The following PLPP4 variants were observed in gnomAD, a reference collection of about 807,000 sequenced individuals.
PLPP4 encodes diacylglycerol pyrophosphate like 2.
PLPP4 carries 20 observed loss-of-function variants against 32.2 expected under a neutral mutation model. That is an observed-to-expected ratio of 0.62 (90% CI 0.44 to 0.90). The LOEUF is 0.90. Ranked by LOEUF, PLPP4 falls within the 40% of genes least tolerant of loss-of-function variation. The probability of loss-of-function intolerance (pLI) is 0.00; values close to 1 mark genes in which losing one functional copy is unlikely to be tolerated. For synonymous variants in PLPP4, 127 were observed against 133.0 expected, an observed-to-expected ratio of 0.95 and a Z score of 0.31; for missense variants, 257 against 353.1, an observed-to-expected ratio of 0.73 and a Z score of 2.18.
rs754115427 is a variant in PLPP4, at chr10:120,589,400, C to T, written c.714C>T (p.Tyr238=). 26 of 1,614,116 alleles carry T rather than the reference C, an allele frequency of 1.6e-5. 1 individual carries two copies. The highest frequency in any genetic ancestry group is 8.8e-5 in the South Asian group (8 of 91,074). ...CCAACACAGCTTGCCATAAACCCTA[C>T]GTTAGTCTGCGAGTCCCAGCCTCAC... The part of the protein sequence containing the change: ...PLANTACHKP[Y]VSLRVPASLK... Residue 238 remains tyrosine, a synonymous_variant, in exon 7 of 7, where the codon TAC becomes TAT. Coordinates refer to ENST00000398250, the MANE Select transcript of PLPP4 (RefSeq NM_001030059.3).
chr10:120,581,609 C>T (rs1471095227), intron 6 of PLPP4, among the ~76,000 whole-genome samples: 1 of 152,180 alleles, frequency 6.6e-6, no homozygotes, highest in Non-Finnish European at 1.5e-5. Context: ...GCTTGAGCTT[C>T]TTGCTACTCC....
intron 6 of PLPP4, among the ~76,000 whole-genome samples, chr10:120,588,392 G>A (rs1249910740): frequency 6.6e-6 from 1 of 152,216 alleles, no homozygotes; most frequent in Admixed American, 6.5e-5. Flanking sequence ...CCTCCCAGCT[G>A]GTAAGATCTG....
chr10:120,514,645 G>A (rs573335339), intron 3 of PLPP4, among the ~76,000 whole-genome samples: 6 of 152,072 alleles, frequency 3.9e-5, no homozygotes, highest in South Asian at 2.1e-4. Flanking sequence ...GATTAAATGC[G>A]TTTTTCTGGT....
chr10:120,511,116 A>G (rs1845709299), intron 2 of PLPP4, among the ~76,000 whole-genome samples: 1 of 152,150 alleles, frequency 6.6e-6, no homozygotes, highest in Non-Finnish European at 1.5e-5. Flanking sequence ...TACCTAGGAA[A>G]TTTGCAGCAT....
At chr10:120,558,238 T>C (rs1848249585) in intron 5 of PLPP4, among the ~76,000 whole-genome samples, 2 of 152,028 alleles carry the variant, frequency 1.3e-5, no homozygotes, top group Non-Finnish European at 2.9e-5. Context: ...CATACACATG[T>C]ATACATTCCT....
At chr10:120,566,920 A>G (rs1050338747) in intron 5 of PLPP4, among the ~76,000 whole-genome samples, 1 of 152,022 alleles carries the variant, frequency 6.6e-6, no homozygotes. Flanking sequence ...CTTCTGTGAC[A>G]TTTTCCACCA....
chr10:120,550,723 C>G (rs1347452138), intron 5 of PLPP4, among the ~76,000 whole-genome samples: 1 of 151,572 alleles, frequency 6.6e-6, no homozygotes, highest in Non-Finnish European at 1.5e-5. Context: ...TAAGCTTGAC[C>G]CCTACCTCAT....
chr10:120,529,157 G>A (rs1785149519), intron 5 of PLPP4, among the ~76,000 whole-genome samples: 1 of 151,024 alleles, frequency 6.6e-6, no homozygotes, highest in Admixed American at 6.6e-5. Flanking sequence ...AGCAATGTCT[G>A]GAGACATTTT....
intron 1 of PLPP4, among the ~76,000 whole-genome samples, chr10:120,459,611 G>A (rs986826739): frequency 6.6e-6 from 1 of 152,200 alleles, no homozygotes; most frequent in African/African-American, 2.4e-5. Context: ...CAGCACAGGG[G>A]TTTAGAAAGT....
chr10:120,489,503 C>A (rs1295984550), intron 1 of PLPP4, among the ~76,000 whole-genome samples: 1 of 152,156 alleles, frequency 6.6e-6, no homozygotes, highest in Non-Finnish European at 1.5e-5. Context: ...TGTCACACTG[C>A]ACAACTGCGG....
intron 1 of PLPP4, among the ~76,000 whole-genome samples, chr10:120,494,319 C>T (rs546282842): frequency 1.3e-5 from 2 of 152,258 alleles, no homozygotes; most frequent in South Asian, 4.1e-4. Flanking sequence ...CTATTATCAG[C>T]GTCACTTCAG....
At position 120,503,744 on chromosome 10, in the gene PLPP4, A is replaced by C. The variant is rs1288020560; in HGVS notation, c.57-74A>C. Reference sequence around the variant, plus strand: ...GATTCCCACCCTGAGGGTGCATAGAAGGGGGGCCTCCTTGGGAACTTCCCA... The same window carrying C: ...GATTCCCACCCTGAGGGTGCATAGACGGGGGGCCTCCTTGGGAACTTCCCA... On this transcript the variant is annotated intron_variant, in intron 1 of 6. Transcript: ENST00000398250. The C allele has an allele frequency of 2.5e-6, 4 of 1,589,072 alleles. No individual in the cohort carries two copies. In the Admixed American group the frequency reaches 5.1e-5, roughly 20 times the overall value.
chr10:120,590,801 T>C lies in PLPP4; in HGVS notation c.*1299T>C, dbSNP rs1349329927. On this transcript the variant is annotated 3_prime_UTR_variant, in exon 7 of 7. Transcript: ENST00000398250. The stretch of plus-strand genomic sequence containing the variant: ...TTTTTTTTTTGAGATGGAGTCTCGC[T>C]GTGTCGAGACTGCACTGGAGTGCAG... 2.1e-5 allele frequency among the ~76,000 whole-genome samples: 3 copies of C among 146,304 alleles called. No individual in the cohort carries two copies. Among genetic ancestry groups the C allele is most frequent in the Non-Finnish European group, 4.5e-5 (3 of 67,280 alleles).
At position 120,532,385 on chromosome 10, in the gene PLPP4, A is replaced by G. The variant is rs561910875; in HGVS notation, c.445+11290A>G. ...TGCAATAAACATATGGAACCACACT[A>G]TATTGATTAGTATAGCATTATATTA... On this transcript the variant is annotated intron_variant, in intron 5 of 6. Coordinates refer to ENST00000398250, the MANE Select transcript of PLPP4 (RefSeq NM_001030059.3). 1.4e-3 allele frequency among the ~76,000 whole-genome samples: 212 copies of G among 152,238 alleles called. 1 individual carries two copies. The highest frequency in any genetic ancestry group is 7.5e-3 in the South Asian group (36 of 4,820).
At chr10:120,513,113 T>C (rs1380533307) in intron 2 of PLPP4, among the ~76,000 whole-genome samples, 1 of 152,168 alleles carries the variant, frequency 6.6e-6, no homozygotes, top group Non-Finnish European at 1.5e-5. Context: ...AATTTACTAA[T>C]TACGGAAGCT....
At chr10:120,504,024 G>T in intron 2 of PLPP4, 98 bp downstream of exon 2, 1 of 815,172 alleles carries the variant, frequency 1.2e-6, no homozygotes, top group South Asian at 1.6e-5. Flanking sequence ...ACAGTGGGTG[G>T]CCTGAGAGAA....
chr10:120,476,080 G>C (rs1012217368), intron 1 of PLPP4, among the ~76,000 whole-genome samples: 3 of 152,222 alleles, frequency 2.0e-5, no homozygotes, highest in African/African-American at 7.2e-5. Context: ...TGTCCACATG[G>C]ACAGCAGGGG....
At chr10:120,544,938 G>A (rs74763041) in intron 5 of PLPP4, among the ~76,000 whole-genome samples, 6,000 of 152,324 alleles carry the variant, frequency 0.039, 278 homozygotes, top group East Asian at 0.16. Flanking sequence ...TATGCCAGAA[G>A]AAGAGAAGGG....
chr10:120,546,220 T>C (rs1315010493), intron 5 of PLPP4, among the ~76,000 whole-genome samples: 1 of 152,150 alleles, frequency 6.6e-6, no homozygotes, highest in Non-Finnish European at 1.5e-5. Context: ...GTAAAATCCC[T>C]TTCATATATA....
Sources: allele counts gnomAD v4.1 joint callset (sites outside exome capture counted in the v4.1 genomes callset), GRCh38; gene constraint gnomAD v4.1.1; transcripts MANE v1.5; gene names NCBI Gene and HGNC (gene_info 2026-07-23, HGNC 2026-07-21).